NEK11: variants seen among roughly 807,000 people sequenced by gnomAD.
NEK11 encodes serine/threonine-protein kinase Nek11.
In NEK11, 72 loss-of-function variants were observed where a neutral mutation model predicts 80.7. The ratio of observed to expected loss-of-function variants is 0.89; its 90% CI spans 0.74 to 1.08. The LOEUF (loss-of-function observed/expected upper bound fraction) is 1.08, where lower values mean the gene tolerates loss of function less well. Ranked by LOEUF, NEK11 falls within the 50% of genes least tolerant of loss-of-function variation. The probability of loss-of-function intolerance (pLI) is 0.00; values close to 1 mark genes in which losing one functional copy is unlikely to be tolerated. For synonymous variants in NEK11, 251 were observed against 260.7 expected, an observed-to-expected ratio of 0.96 and a Z score of 0.36; for missense variants, 764 against 763.6, an observed-to-expected ratio of 1.00 and a Z score of -0.01.
At position 131,092,339 on chromosome 3, in the gene NEK11, C is replaced by A. The variant is rs191712401; in HGVS notation, c.336+11751C>A. On this transcript the variant is annotated intron_variant, in intron 4 of 17. Coordinates refer to ENST00000383366, the MANE Select transcript of NEK11 (RefSeq NM_024800.5). Reference sequence around the variant, plus strand: ...AAGACACTTGAGAGAATATAGAACACCAGGGAGACTATTGTGATGGTTATC... The same window carrying A: ...AAGACACTTGAGAGAATATAGAACAACAGGGAGACTATTGTGATGGTTATC... Among the ~76,000 whole-genome samples the A allele has an allele frequency of 7.2e-4, 110 of 152,118 alleles. 2 individuals are homozygous for A. The highest frequency in any genetic ancestry group is 6.8e-3 in the Middle Eastern group (2 of 294).
chr3:131,343,522 C>T (rs137924110), intron 17 of NEK11, among the ~76,000 whole-genome samples: 110 of 152,314 alleles, frequency 7.2e-4, no homozygotes, highest in African/African-American at 2.6e-3. Flanking sequence ...TCCAACCTTA[C>T]ATTCTCCTTC....
chr3:131,203,431 G>C (rs1252465063), intron 14 of NEK11, among the ~76,000 whole-genome samples: 2 of 138,468 alleles, frequency 1.4e-5, no homozygotes, highest in Non-Finnish European at 3.1e-5. Context: ...GCCTGTTGTG[G>C]GGTGAGGGGA....
At chr3:131,146,334 A>G (rs9820472) in intron 7 of NEK11, among the ~76,000 whole-genome samples, 124,125 of 152,118 alleles carry the variant, frequency 0.82, 50,737 homozygotes, top group East Asian at 0.86. Flanking sequence ...TAAAAGAGAA[A>G]TTTTAAAAAG....
intron 14 of NEK11, among the ~76,000 whole-genome samples, chr3:131,202,746 G>A (rs192115471): frequency 7.0e-4 from 106 of 152,086 alleles, no homozygotes; most frequent in Admixed American, 1.8e-3. Flanking sequence ...AAATCAAACA[G>A]CCCCCTCAAA....
At chr3:131,115,951 T>C (rs1386313461) in intron 5 of NEK11, among the ~76,000 whole-genome samples, 1 of 127,828 alleles carries the variant, frequency 7.8e-6, no homozygotes, top group Admixed American at 7.8e-5. Context: ...TCTTTCTTTC[T>C]TTCTTTCTTT....
At chr3:131,213,823 T>A (rs1293630844) in intron 14 of NEK11, among the ~76,000 whole-genome samples, 1 of 152,142 alleles carries the variant, frequency 6.6e-6, no homozygotes, top group Non-Finnish European at 1.5e-5. Context: ...CAGTACATGT[T>A]TTTGTCCCCC....
chr3:131,230,751 G>A (rs985883960), intron 15 of NEK11, among the ~76,000 whole-genome samples: 4 of 152,024 alleles, frequency 2.6e-5, no homozygotes, highest in African/African-American at 9.7e-5. Context: ...AATCTATTGG[G>A]ACAAGATGCT....
intron 17 of NEK11, among the ~76,000 whole-genome samples, chr3:131,287,622 G>A (rs146557106): frequency 2.3e-4 from 35 of 152,172 alleles, no homozygotes; most frequent in Middle Eastern, 3.4e-3. Context: ...TTAAGGCCCC[G>A]GGGATATCTG....
intron 17 of NEK11, among the ~76,000 whole-genome samples, chr3:131,281,914 T>G (rs2096401960): frequency 6.6e-6 from 1 of 152,218 alleles, no homozygotes. Flanking sequence ...AGCTATATTT[T>G]CATGTCTTAC....
intron 14 of NEK11, among the ~76,000 whole-genome samples, chr3:131,216,274 C>T (rs1490816250): frequency 7.9e-5 from 12 of 152,156 alleles, no homozygotes; most frequent in Non-Finnish European, 1.6e-4. Flanking sequence ...TCTTTTGGTA[C>T]ATAACCTTTA....
chr3:131,200,293 G>A (rs370294025), intron 14 of NEK11, among the ~76,000 whole-genome samples: 13 of 152,156 alleles, frequency 8.5e-5, no homozygotes, highest in South Asian at 4.1e-4. Flanking sequence ...ATACCACTAC[G>A]TACCACTCAG....
chr3:131,291,928 G>A (rs980035754), intron 17 of NEK11, among the ~76,000 whole-genome samples: 2 of 152,108 alleles, frequency 1.3e-5, no homozygotes, highest in Non-Finnish European at 2.9e-5. Flanking sequence ...CTTTCACAGA[G>A]CGGTCCAGAT....
chr3:131,045,750 G>A (rs1337533782), intron 3 of NEK11, among the ~76,000 whole-genome samples: 5 of 152,080 alleles, frequency 3.3e-5, no homozygotes, highest in African/African-American at 1.2e-4. Context: ...TCATTTCTTA[G>A]GTCTAGTAGT....
At chr3:131,228,040 A>C (rs981920545) in intron 14 of NEK11, among the ~76,000 whole-genome samples, 1 of 152,130 alleles carries the variant, frequency 6.6e-6, no homozygotes, top group Non-Finnish European at 1.5e-5. Context: ...ATGCTGCTAT[A>C]TATCCTATTC....
intron 4 of NEK11, among the ~76,000 whole-genome samples, chr3:131,095,102 G>A (rs1482271907): frequency 6.6e-6 from 1 of 152,076 alleles, no homozygotes; most frequent in Non-Finnish European, 1.5e-5. Context: ...TAGGTAATTT[G>A]ACTTGGATCA....
intron 13 of NEK11, 39 bp downstream of exon 13, chr3:131,168,976 G>C: frequency 6.7e-7 from 1 of 1,486,644 alleles, no homozygotes; most frequent in Non-Finnish European, 9.4e-7. Context: ...AAGTGAGGCA[G>C]GTTTAATGAT....
chr3:131,223,326 A>G (rs889341587), intron 14 of NEK11, among the ~76,000 whole-genome samples: 1 of 152,134 alleles, frequency 6.6e-6, no homozygotes, highest in Non-Finnish European at 1.5e-5. Context: ...GAAATACTGG[A>G]GACAGATTCA....
chr3:131,239,024 C>T (rs1182860717), intron 15 of NEK11, among the ~76,000 whole-genome samples: 1 of 152,016 alleles, frequency 6.6e-6, no homozygotes. Context: ...AGGTCTGCAG[C>T]CTGCATTGAG....
chr3:131,086,382 G>T (rs2075983955), intron 4 of NEK11, among the ~76,000 whole-genome samples: 3 of 151,948 alleles, frequency 2.0e-5, no homozygotes, highest in Admixed American at 2.0e-4. Flanking sequence ...TTTACTAATT[G>T]GTATTCCACT....
Sources: allele counts gnomAD v4.1 joint callset (sites outside exome capture counted in the v4.1 genomes callset), GRCh38; gene constraint gnomAD v4.1.1; transcripts MANE v1.5; gene names NCBI Gene and HGNC (gene_info 2026-07-23, HGNC 2026-07-21).